The following TTC19 variants were observed in gnomAD, a reference collection of about 807,000 sequenced individuals.
The protein encoded by TTC19 is tetratricopeptide repeat protein 19, mitochondrial.
A neutral mutation model predicts 49.5 loss-of-function variants in TTC19; 38 were observed. That is an observed-to-expected ratio of 0.77 (90% confidence interval 0.59 to 1.01). The LOEUF is 1.01. TTC19 is among the 50% of genes least tolerant of loss of function. The pLI is 0.00. For missense variants in TTC19, 475 were observed against 477.7 expected, an observed-to-expected ratio of 0.99 and a Z score of 0.05; for synonymous variants, 204 against 185.2, an observed-to-expected ratio of 1.10 and a Z score of -0.83.
Position 16,028,818 on chromosome 17 carries a change from C to CAAAAGAAAAAA in TTC19, c.*1300_*1301insGAAAAAAAAAA. On this transcript the variant is annotated 3_prime_UTR_variant, in exon 10 of 10. Coordinates refer to ENST00000261647, the MANE Select transcript of TTC19 (RefSeq NM_017775.4). Reference sequence around the variant, plus strand: ...GTATCCCAGTAATCTTTGCATTTCTCAAAAAAAAAAAAAAAAAAAAAAAAA... The same window carrying CAAAAGAAAAAA: ...GTATCCCAGTAATCTTTGCATTTCTCAAAAGAAAAAAAAAAAAAAAAAAAAAAAAAAAAAAA... 1.0e-5 allele frequency: 1 copy of CAAAAGAAAAAA among 98,102 alleles called. No homozygotes were observed. Among genetic ancestry groups the CAAAAGAAAAAA allele is most frequent in the Non-Finnish European group, 2.0e-5 (1 of 51,254 alleles). 6.1% of individuals were successfully genotyped at this position (98,102 alleles called of 1,614,324 possible). A position where few individuals can be genotyped will look rare whatever the true frequency, so the allele number is the denominator to read the frequency against.
rs577938593 is a variant in TTC19 at position 16,001,965 on chromosome 17, C to T, written c.363C>T (p.Asp121=). ...EPEEAELILH[D]ALRLAYQTDN... is the part of the protein sequence containing the mutation. ...AAGAGGCTGAGTTAATTTTGCATGA[C>T]GCTCTTCGTCTCGCCTATCAGACTG... Residue 121 remains aspartate, a synonymous_variant, in exon 3 of 10, where the codon GAC becomes GAT. Coordinates refer to ENST00000261647, the MANE Select transcript of TTC19 (RefSeq NM_017775.4). 29 of 1,613,444 alleles carry T rather than the reference C, an allele frequency of 1.8e-5. No homozygotes were observed. The highest frequency in any genetic ancestry group is 1.6e-4 in the Middle Eastern group (1 of 6,062).
At chr17:16,006,744 A>G (rs181829937) in intron 7 of TTC19, among the ~76,000 whole-genome samples, 176 bp downstream of exon 7, 1 of 152,214 alleles carries the variant, frequency 6.6e-6, no homozygotes, top group East Asian at 1.9e-4. Flanking sequence ...TATTTAAAAT[A>G]TTTGACTGCT....
intron 7 of TTC19, among the ~76,000 whole-genome samples, chr17:16,007,071 T>C (rs1419367088): frequency 1.3e-5 from 2 of 152,172 alleles, no homozygotes; most frequent in African/African-American, 4.8e-5. Context: ...GGTTGAAGTA[T>C]TGAGAATTTT....
chr17:16,030,215 A>G, downstream of TTC19: 1 of 228,342 alleles, frequency 4.4e-6, no homozygotes. Context: ...ATTAAGTGGA[A>G]GTGGATCATC....
Position 16,025,109 on chromosome 17 carries a change from CAAAGGATGTATGAA to C in TTC19, c.774_787del (p.Arg258SerfsTer6). On this transcript the variant is annotated frameshift_variant, in exon 8 of 10. Transcript: ENST00000261647. LOFTEE classifies it high-confidence loss of function. ...GTTCTCCAAGCAGCCGTCACAGGCA[CAAAGGATGTATGAA>C]AAAGCTCTGCAGATTTCTGAAGAAA... is the stretch of plus-strand genomic sequence containing the variant. 6.2e-7 allele frequency: 1 copy of C among 1,613,698 alleles called. No homozygotes were observed. The highest frequency in any genetic ancestry group is 1.3e-5 in the African/African-American group (1 of 74,894).
rs1484659389 is a variant in TTC19, at chr17:16,028,545, T to TA, written c.*1024dup. The TA allele has an allele frequency of 3.1e-5, 14 of 453,950 alleles. No homozygotes were observed. Among genetic ancestry groups the TA allele is most frequent in the African/African-American group, 2.6e-4 (13 of 50,000 alleles). 28.1% of individuals were successfully genotyped at this position (453,950 alleles called of 1,614,324 possible). A position where few individuals can be genotyped will look rare whatever the true frequency, so the allele number is the denominator to read the frequency against. ...ATAGACTGCTGTGCTGAAAGAGCTT[T>TA]ATCACACTGTCTCAAAGTATGTAAA... On this transcript the variant is annotated 3_prime_UTR_variant, in exon 10 of 10. Transcript: ENST00000261647.
Position 16,040,899 on chromosome 17 carries a change from A to C in TTC19, c.248-3604A>C, listed in dbSNP as rs78480108. On this transcript the variant is annotated intron_variant, in intron 2 of 2. Coordinates refer to the TTC19 transcript ENST00000470649. ...AAAATAAATAAATAAATAAAAAAAGAAGCAGTGTAACCCAGAAAAGGGAAA... is the reference window on the plus strand; with the variant it reads ...AAAATAAATAAATAAATAAAAAAAGCAGCAGTGTAACCCAGAAAAGGGAAA... 7.4e-4 allele frequency: 140 copies of C among 188,832 alleles called. No individual in the cohort carries two copies. In the East Asian group the frequency reaches 0.017, roughly 23 times the overall value. The allele number at this position is 188,832 out of a possible 1,614,324, so 11.7% of individuals were successfully genotyped here.
At chr17:16,021,142 C>T (rs935841861) in intron 7 of TTC19, among the ~76,000 whole-genome samples, 13 of 152,168 alleles carry the variant, frequency 8.5e-5, no homozygotes, top group Non-Finnish European at 2.9e-5. Flanking sequence ...AATCCCAGCA[C>T]TTTGGGAGGC....
At chr17:16,013,995 G>A (rs373705970) in intron 7 of TTC19, among the ~76,000 whole-genome samples, 1 of 152,166 alleles carries the variant, frequency 6.6e-6, no homozygotes, top group Non-Finnish European at 1.5e-5. Context: ...AGTTGACAGT[G>A]TGATTCACTG....
chr17:16,009,924 T>C (rs1351391871), intron 7 of TTC19, among the ~76,000 whole-genome samples: 1 of 152,124 alleles, frequency 6.6e-6, no homozygotes, highest in African/African-American at 2.4e-5. Context: ...GGCTGAATGA[T>C]AGATATCAAA....
At chr17:16,000,283 G>C in intron 2 of TTC19, 38 bp downstream of exon 2, 1 of 1,591,896 alleles carries the variant, frequency 6.3e-7, no homozygotes, top group South Asian at 1.1e-5. Flanking sequence ...GCCGAGCGCG[G>C]TAGCCTTTGT....
At chr17:16,041,427 T>TTTTTTG (rs2057579328) in intron 2 of TTC19, among the ~76,000 whole-genome samples, 1 of 148,334 alleles carries the variant, frequency 6.7e-6, no homozygotes, top group Non-Finnish European at 1.5e-5. Flanking sequence ...TTTTTTCCTT[T>TTTTTTG]GAGATGGTGG....
intron 6 of TTC19, among the ~76,000 whole-genome samples, chr17:16,004,560 T>C (rs1274056130): frequency 1.3e-5 from 2 of 152,224 alleles, no homozygotes; most frequent in Non-Finnish European, 2.9e-5. Flanking sequence ...AGTTTAACTT[T>C]TCCTAGAAGA....
chr17:16,034,117 C>T (rs1201233744), downstream of TTC19, among the ~76,000 whole-genome samples: 1 of 152,180 alleles, frequency 6.6e-6, no homozygotes, highest in Non-Finnish European at 1.5e-5. Context: ...GGCATGGGTA[C>T]ATTCAGGTAC....
In TTC19 at chr17:16,043,865, A is replaced by G. The variant is rs1447431464; in HGVS notation, c.248-638A>G. Among the ~76,000 whole-genome samples the G allele has an allele frequency of 2.6e-5, 4 of 152,244 alleles. No homozygotes were observed. The East Asian group carries it at 7.7e-4, about 29-fold the overall frequency. ...TGAAGACTGGAGACAGAAAATAGTA[A>G]TAACAATATTTTTTGAAAAGGTGGC... On this transcript the variant is annotated intron_variant, in intron 2 of 2. Transcript: ENST00000470649.
In TTC19 at chr17:16,010,576, G is replaced by A. The variant is rs563212201; in HGVS notation, c.676+4008G>A. 2.0e-5 allele frequency among the ~76,000 whole-genome samples: 3 copies of A among 151,892 alleles called. No individual in the cohort carries two copies. The East Asian group carries it at 5.8e-4, about 29-fold the overall frequency. On this transcript the variant is annotated intron_variant, in intron 7 of 9. Transcript: ENST00000261647. ...TGCAACCTCTGCCTCCCCGGTTCAA[G>A]CGATTCTCCTGCCTCAGCCTCCCGA...
rs1367533849 is a variant in TTC19, at chr17:16,004,260, C to T, written c.579C>T (p.Asn193=). 3 of 1,613,930 alleles carry T rather than the reference C, an allele frequency of 1.9e-6. No individual in the cohort carries two copies. Among genetic ancestry groups the T allele is most frequent in the South Asian group, 1.1e-5 (1 of 91,082 alleles). Reference sequence around the variant, plus strand: ...TGGCCAGTATCTATGCTGCGCAGAACAGGTAAGTACAGCAGCCAGGGAGTA... The same window carrying T: ...TGGCCAGTATCTATGCTGCGCAGAATAGGTAAGTACAGCAGCCAGGGAGTA... ...LKLASIYAAQ[N]RQEFAVAGYE... is the part of the protein sequence containing the mutation. The change falls in exon 6 of 10, where the codon AAC becomes AAT. Residue 193 remains asparagine (N), a splice_region_variant and synonymous_variant. Transcript: ENST00000261647.
intron 2 of TTC19, among the ~76,000 whole-genome samples, chr17:16,034,436 A>T (rs908692396): frequency 1.3e-5 from 2 of 152,018 alleles, no homozygotes; most frequent in Admixed American, 1.3e-4. Context: ...AAAAAATAAA[A>T]ATTAAAATGA....
At chr17:16,030,493 G>GAA, downstream of TTC19, 3 of 183,498 alleles carry the variant, frequency 1.6e-5, no homozygotes. Flanking sequence ...ACCAGTACCT[G>GAA]AAAAAAAAAA....
Sources: gnomAD v4.1 joint callset for allele counts (sites outside exome capture counted in the v4.1 genomes callset) on GRCh38, gnomAD v4.1.1 for gene constraint, MANE v1.5 for transcripts, NCBI Gene and HGNC (gene_info 2026-07-23, HGNC 2026-07-21) for gene names.